The following CTNNA2 variants were observed in gnomAD, a reference collection of about 807,000 sequenced individuals.
CTNNA2 encodes catenin alpha 2.
Under a neutral mutation model 101.0 loss-of-function variants are expected in CTNNA2, and 42 were observed. The ratio of observed to expected loss-of-function variants is 0.42; its 90% CI spans 0.32 to 0.54. CTNNA2 has a LOEUF of 0.54. CTNNA2 is among the 20% of genes least tolerant of loss of function. The pLI is 0.14. For synonymous variants in CTNNA2, 450 were observed against 456.4 expected (o/e 0.99, Z 0.18); for missense variants, 871 against 1,223.1 (o/e 0.71, Z 4.29).
intron 2 of CTNNA2, among the ~76,000 whole-genome samples, chr2:79,668,741 G>C (rs1399278699): frequency 6.6e-6 from 1 of 152,144 alleles, no homozygotes; most frequent in East Asian, 1.9e-4. Flanking sequence ...AATACCTGCT[G>C]TTTCAGAATG....
chr2:79,883,287 G>A (rs1413297691), intron 6 of CTNNA2, among the ~76,000 whole-genome samples: 1 of 152,172 alleles, frequency 6.6e-6, no homozygotes, highest in Non-Finnish European at 1.5e-5. Context: ...ACATTTATTT[G>A]TCTAAAATTA....
chr2:79,552,324 A>G (rs970174434), intron 1 of CTNNA2, among the ~76,000 whole-genome samples: 1 of 152,186 alleles, frequency 6.6e-6, no homozygotes, highest in Admixed American at 6.5e-5. Flanking sequence ...TCCAGACCAC[A>G]GTGATGCAAG....
At chr2:79,590,399 G>T (rs2103976317) in intron 1 of CTNNA2, among the ~76,000 whole-genome samples, 1 of 152,152 alleles carries the variant, frequency 6.6e-6, no homozygotes, top group East Asian at 1.9e-4. Flanking sequence ...TTGCAGTTTA[G>T]TCTATAGAAT....
intron 6 of CTNNA2, among the ~76,000 whole-genome samples, chr2:79,897,056 C>G (rs1574257912): frequency 6.6e-6 from 1 of 151,976 alleles, no homozygotes; most frequent in African/African-American, 2.4e-5. Flanking sequence ...ATTTTTTTTA[C>G]ACAATGCTTG....
At chr2:80,088,767 G>A (rs1371215067) in intron 7 of CTNNA2, among the ~76,000 whole-genome samples, 2 of 152,048 alleles carry the variant, frequency 1.3e-5, no homozygotes, top group African/African-American at 2.4e-5. Flanking sequence ...CAAAGCAAGA[G>A]TTGTCACTTG....
At chr2:79,188,022 G>A (rs1558567627) in intron 1 of CTNNA2, among the ~76,000 whole-genome samples, 1 of 151,930 alleles carries the variant, frequency 6.6e-6, no homozygotes, top group Non-Finnish European at 1.5e-5. Flanking sequence ...ACAGCAAGAG[G>A]ATATCATAAT....
intron 2 of CTNNA2, among the ~76,000 whole-genome samples, chr2:79,260,632 C>T (rs79673964): frequency 0.028 from 4,188 of 152,198 alleles, 193 homozygotes; most frequent in African/African-American, 0.096. Flanking sequence ...CCCATAGACA[C>T]CCAGCAAGTT....
intron 1 of CTNNA2, among the ~76,000 whole-genome samples, chr2:79,194,344 T>C (rs1673930541): frequency 6.6e-6 from 1 of 152,154 alleles, no homozygotes; most frequent in Non-Finnish European, 1.5e-5. Context: ...CTTCAACTCT[T>C]AAGGAGTCAG....
chr2:79,656,409 T>C (rs1681616262), intron 2 of CTNNA2, among the ~76,000 whole-genome samples: 1 of 152,076 alleles, frequency 6.6e-6, no homozygotes, highest in Non-Finnish European at 1.5e-5. Flanking sequence ...CAATATGCAA[T>C]GATACAGTTT....
At chr2:79,677,502 A>C (rs546927474) in intron 2 of CTNNA2, among the ~76,000 whole-genome samples, 1 of 152,264 alleles carries the variant, frequency 6.6e-6, no homozygotes, top group East Asian at 1.9e-4. Flanking sequence ...CGTAATAGGA[A>C]ACACACACAC....
At chr2:80,635,398 T>A (rs939979422) in intron 18 of CTNNA2, among the ~76,000 whole-genome samples, 1 of 152,182 alleles carries the variant, frequency 6.6e-6, no homozygotes, top group African/African-American at 2.4e-5. Flanking sequence ...TAAACTATTA[T>A]ACTAAAGACC....
chr2:79,602,772 G>C (rs1677630511), intron 1 of CTNNA2, among the ~76,000 whole-genome samples: 2 of 152,004 alleles, frequency 1.3e-5, no homozygotes, highest in South Asian at 4.1e-4. Flanking sequence ...AGACCTTCAT[G>C]AAAAAATCGT....
chr2:80,308,710 C>T (rs986667814), intron 7 of CTNNA2, among the ~76,000 whole-genome samples: 1 of 151,746 alleles, frequency 6.6e-6, no homozygotes, highest in Non-Finnish European at 1.5e-5. Context: ...AAACTAACTG[C>T]CATGCTCTAT....
chr2:79,338,175 G>C (rs1677038498), intron 3 of CTNNA2, among the ~76,000 whole-genome samples: 1 of 148,968 alleles, frequency 6.7e-6, no homozygotes, highest in African/African-American at 2.5e-5. Flanking sequence ...GAACTTGGGA[G>C]ACGGAGGTTG....
intron 1 of CTNNA2, among the ~76,000 whole-genome samples, chr2:79,518,311 G>C (rs1671914605): frequency 1.3e-5 from 2 of 152,102 alleles, no homozygotes; most frequent in African/African-American, 4.8e-5. Flanking sequence ...ATCCTAACTT[G>C]CTACAGTGTT....
rs548999697 is a variant in CTNNA2 at position 80,482,982 on chromosome 2, G to A, written c.1291-62000G>A. On this transcript the variant is annotated intron_variant, in intron 9 of 18. Coordinates refer to ENST00000402739, the MANE Select transcript of CTNNA2 (RefSeq NM_001282597.3). ...TCTGCTCCTGGAAGAACTTGATTTT[G>A]TGAACACTTTTTAGTAGATCTTATC... 9.2e-4 allele frequency among the ~76,000 whole-genome samples: 140 copies of A among 152,234 alleles called. 1 individual carries two copies. In the South Asian group the frequency reaches 0.028, roughly 31 times the overall value.
At chr2:79,336,763 C>G (rs1677003514) in intron 3 of CTNNA2, among the ~76,000 whole-genome samples, 1 of 152,116 alleles carries the variant, frequency 6.6e-6, no homozygotes, top group Non-Finnish European at 1.5e-5. Flanking sequence ...AACTGGAGGG[C>G]CCTATCTGTG....
chr2:80,539,563 A>C (rs1691362171), intron 9 of CTNNA2, among the ~76,000 whole-genome samples: 1 of 152,078 alleles, frequency 6.6e-6, no homozygotes, highest in Non-Finnish European at 1.5e-5. Flanking sequence ...TTTTTCTGTA[A>C]TCCTAAAGTT....
chr2:79,810,777 G>A (rs1055442565), intron 3 of CTNNA2, among the ~76,000 whole-genome samples: 1 of 151,712 alleles, frequency 6.6e-6, no homozygotes, highest in African/African-American at 2.4e-5. Context: ...AACATGCAGT[G>A]TTTGGTTTTT....
Sources: allele counts gnomAD v4.1 joint callset (sites outside exome capture counted in the v4.1 genomes callset), GRCh38; gene constraint gnomAD v4.1.1; transcripts MANE v1.5; gene names NCBI Gene and HGNC (gene_info 2026-07-23, HGNC 2026-07-21).